The following TG variants were observed in gnomAD, a reference collection of about 807,000 sequenced individuals.
The protein encoded by TG is thyroid hormones.
In TG, 270 loss-of-function variants were observed where a neutral mutation model predicts 324.7. That is an observed-to-expected ratio of 0.83 (90% CI 0.75 to 0.92). The LOEUF (loss-of-function observed/expected upper bound fraction) is 0.92, where lower values mean the gene tolerates loss of function less well. TG is among the 40% of genes least tolerant of loss of function. The probability of loss-of-function intolerance (pLI) is 0.00; values close to 1 mark genes in which losing one functional copy is unlikely to be tolerated. For synonymous variants in TG, 1,401 were observed against 1,327.0 expected (o/e 1.06, Z -1.21); for missense variants, 3,591 against 3,456.4 (o/e 1.04, Z -0.98).
At position 133,044,882 on chromosome 8, in the gene TG, C is replaced by G. The variant is rs1321432213; in HGVS notation, c.7239+14859C>G. ...GAGCATATCATGAAGGCAGCATAGG[C>G]AGTAAGCAAGACCCCTCTGCATTCC... On this transcript the variant is annotated intron_variant, in intron 41 of 47. Transcript: ENST00000220616. The G allele has an allele frequency of 2.6e-5, 30 of 1,136,744 alleles. No homozygotes were observed. The East Asian group carries it at 7.1e-4, about 27-fold the overall frequency. The allele number at this position is 1,136,744 out of a possible 1,614,324, so 70.4% of individuals were successfully genotyped here. A position where few individuals can be genotyped will look rare whatever the true frequency, so the allele number is the denominator to read the frequency against.
chr8:132,915,254 G>A (rs1479891737), intron 20 of TG, among the ~76,000 whole-genome samples: 2 of 152,170 alleles, frequency 1.3e-5, no homozygotes, highest in East Asian at 1.9e-4. Flanking sequence ...AGGAGGTAAA[G>A]GGAAGGCAGA....
chr8:133,028,734 C>T (rs995906884), intron 40 of TG, among the ~76,000 whole-genome samples: 1 of 152,216 alleles, frequency 6.6e-6, no homozygotes, highest in Non-Finnish European at 1.5e-5. Context: ...GCTGGTCTGC[C>T]TCCATGGTGA....
chr8:132,871,701 A>G (rs962567875), intron 4 of TG, 150 bp downstream of exon 4: 5 of 719,200 alleles, frequency 7.0e-6, no homozygotes, highest in Non-Finnish European at 9.1e-6. Context: ...GGAAGGTTTT[A>G]TTATTCTCAT....
chr8:132,929,332 A>G, intron 23 of TG, 140 bp downstream of exon 23: 1 of 700,294 alleles, frequency 1.4e-6, no homozygotes, highest in Non-Finnish European at 2.5e-6. Flanking sequence ...AAATGAATTG[A>G]TTTCCAGAAT....
At chr8:133,008,772 A>C (rs906043696) in intron 35 of TG, among the ~76,000 whole-genome samples, 3 of 152,240 alleles carry the variant, frequency 2.0e-5, no homozygotes, top group Non-Finnish European at 2.9e-5. Flanking sequence ...CTTGTCTGTA[A>C]ACTTGGACAG....
intron 41 of TG, among the ~76,000 whole-genome samples, chr8:133,042,676 G>GTTTTTTT (rs1838483510): frequency 1.8e-5 from 1 of 55,580 alleles, no homozygotes; most frequent in African/African-American, 6.4e-5. Context: ...CTCATTCTGT[G>GTTTTTTT]TCTTTTTTTT....
At chr8:132,903,738 G>C (rs1818266754) in intron 16 of TG, among the ~76,000 whole-genome samples, 1 of 152,216 alleles carries the variant, frequency 6.6e-6, no homozygotes, top group South Asian at 2.1e-4. Flanking sequence ...CTGTGATGGA[G>C]AGGCAGGCGG....
intron 45 of TG, among the ~76,000 whole-genome samples, chr8:133,121,241 C>T (rs1159243498): frequency 1.3e-5 from 2 of 152,112 alleles, no homozygotes; most frequent in Non-Finnish European, 2.9e-5. Context: ...TCAGTTTTGC[C>T]ACCCGTGAAG....
chr8:133,078,697 T>G (rs1044121888), intron 41 of TG, among the ~76,000 whole-genome samples: 5 of 152,340 alleles, frequency 3.3e-5, no homozygotes, highest in African/African-American at 9.6e-5. Flanking sequence ...AGCTAAACAC[T>G]CTTTTTTCTC....
chr8:133,054,934 T>C (rs1038466811), intron 41 of TG, among the ~76,000 whole-genome samples: 2 of 152,194 alleles, frequency 1.3e-5, no homozygotes, highest in Non-Finnish European at 2.9e-5. Context: ...CACTCCCACT[T>C]ATAACTGTCT....
Position 133,110,149 on chromosome 8 carries a change from C to T in TG, c.7573-3273C>T, listed in dbSNP as rs115607260. 8.4e-3 allele frequency among the ~76,000 whole-genome samples: 1,284 copies of T among 152,248 alleles called. 17 individuals are homozygous for T. Among genetic ancestry groups the T allele is most frequent in the African/African-American group, 0.029 (1,215 of 41,540 alleles). ...AGAACCCACTTTAGTGCCACTGCAC[C>T]GTTGTCCTTGTACCCTCCTGGGCTC... On this transcript the variant is annotated intron_variant, in intron 43 of 47. Transcript: ENST00000220616.
At position 132,882,570 on chromosome 8, in the gene TG, C is replaced by A; in HGVS notation, c.847C>A (p.Arg283=). 6.2e-7 allele frequency: 1 copy of A among 1,614,220 alleles called. No individual in the cohort carries two copies. Among genetic ancestry groups the A allele is most frequent in the Non-Finnish European group, 8.5e-7 (1 of 1,180,048 alleles). The change falls in exon 7 of 48, where the codon CGG becomes AGG. Residue 283 remains arginine, a synonymous_variant. Coordinates refer to ENST00000220616, the MANE Select transcript of TG (RefSeq NM_003235.5). ...ETTLYRILQR[R]FLAVQSVISG... The stretch of plus-strand genomic sequence containing the variant: ...CACCCTGTACCGGATACTGCAGAGA[C>A]GGTTCCTCGCAGTTCAATCAGTCAT...
At chr8:133,102,870 C>G (rs1481721561) in intron 43 of TG, 1 of 338,326 alleles carries the variant, frequency 3.0e-6, no homozygotes, top group Non-Finnish European at 5.7e-6. Context: ...AGGAGTTGGC[C>G]TCGTCTGGGA....
intron 14 of TG, 57 bp from the exon 15 acceptor site, chr8:132,900,180 G>T: frequency 6.8e-7 from 1 of 1,477,768 alleles, no homozygotes; most frequent in South Asian, 1.2e-5. Flanking sequence ...CCAGCAGCAG[G>T]TTGGCCACTA....
At chr8:133,095,297 C>G (rs1848236451) in intron 42 of TG, 89 bp downstream of exon 42, 1 of 1,566,050 alleles carries the variant, frequency 6.4e-7, no homozygotes, top group African/African-American at 1.4e-5. Flanking sequence ...GTCACCCACC[C>G]CAGCCATACC....
At chr8:132,971,942 T>A in intron 33 of TG, 69 bp downstream of exon 33, 1 of 1,112,612 alleles carries the variant, frequency 9.0e-7, no homozygotes, top group Non-Finnish European at 1.4e-6. Flanking sequence ...CATTCACATC[T>A]ATGCTTTTAC....
intron 32 of TG, 126 bp downstream of exon 32, chr8:132,969,695 G>A (rs145642952): frequency 0.014 from 10,335 of 725,398 alleles, 119 homozygotes; most frequent in South Asian, 0.021. Context: ...GGCTGATCAC[G>A]AGGTCAAGAG....
intron 5 of TG, among the ~76,000 whole-genome samples, chr8:132,881,189 T>A (rs1247872722): frequency 6.6e-6 from 1 of 152,230 alleles, no homozygotes; most frequent in Admixed American, 6.5e-5. Flanking sequence ...TACCTTTCTA[T>A]TACTTCTAAG....
chr8:132,882,798 T>C lies in TG; in HGVS notation c.890-16T>C. On this transcript the variant is annotated splice_polypyrimidine_tract_variant and intron_variant, in intron 7 of 47. Coordinates refer to ENST00000220616, the MANE Select transcript of TG (RefSeq NM_003235.5). ...ATTGTTGACACTGTCTTCTTTACTG[T>C]GTGGATTTCCTCTAGGCCCCACAAA... 3.1e-6 allele frequency: 5 copies of C among 1,614,238 alleles called. No homozygotes were observed. The highest frequency in any genetic ancestry group is 3.4e-6 in the Non-Finnish European group (4 of 1,180,040).
Sources: gnomAD v4.1 joint callset for allele counts (sites outside exome capture counted in the v4.1 genomes callset) on GRCh38, gnomAD v4.1.1 for gene constraint, MANE v1.5 for transcripts, NCBI Gene and HGNC (gene_info 2026-07-23, HGNC 2026-07-21) for gene names.